Variants in TTC28 observed in about 807,000 individuals in gnomAD.
TTC28 encodes the protein tetratricopeptide repeat protein 28.
Under a neutral mutation model 198.0 loss-of-function variants are expected in TTC28, and 61 were observed. The ratio of observed to expected loss-of-function variants is 0.31; its 90% CI spans 0.25 to 0.38. The LOEUF (loss-of-function observed/expected upper bound fraction) is 0.38. Ranked by LOEUF, TTC28 falls within the 10% of genes least tolerant of loss-of-function variation. The pLI is 1.00. For missense variants in TTC28, 2,678 were observed against 3,164.0 expected, an observed-to-expected ratio of 0.85 and a Z score of 3.69; for synonymous variants, 1,171 against 1,297.8, an observed-to-expected ratio of 0.90 and a Z score of 2.10.
intron 1 of TTC28, among the ~76,000 whole-genome samples, chr22:28,675,569 C>T (rs532857645): frequency 1.1e-4 from 17 of 150,722 alleles, no homozygotes; most frequent in Admixed American, 3.3e-4. Flanking sequence ...CTGGGCAACA[C>T]GGCAAAACTC....
At chr22:28,009,348 C>G (rs533908381) in intron 14 of TTC28, among the ~76,000 whole-genome samples, 1 of 152,320 alleles carries the variant, frequency 6.6e-6, no homozygotes, top group South Asian at 2.1e-4. Flanking sequence ...TAATTATATG[C>G]CCCATGTGAA....
intron 6 of TTC28, among the ~76,000 whole-genome samples, chr22:28,162,672 AGGTAC>A (rs1921348592): frequency 6.6e-6 from 1 of 152,226 alleles, no homozygotes; most frequent in Non-Finnish European, 1.5e-5. Flanking sequence ...GAAAGAGGCC[AGGTAC>A]GGTGGCTTAT....
At chr22:28,322,852 G>GA (rs929971085) in intron 2 of TTC28, among the ~76,000 whole-genome samples, 4 of 152,298 alleles carry the variant, frequency 2.6e-5, no homozygotes, top group African/African-American at 9.6e-5. Flanking sequence ...CTCCAGAGAA[G>GA]AATCTGTTTC....
intron 12 of TTC28, among the ~76,000 whole-genome samples, chr22:28,053,377 G>A (rs934492867): frequency 3.3e-5 from 5 of 152,188 alleles, no homozygotes; most frequent in Non-Finnish European, 7.3e-5. Flanking sequence ...AATAAGAAAA[G>A]TAGTTTCCAT....
intron 13 of TTC28, among the ~76,000 whole-genome samples, chr22:28,022,948 C>T (rs989737249): frequency 3.9e-5 from 6 of 152,212 alleles, no homozygotes; most frequent in Admixed American, 1.3e-4. Flanking sequence ...CAATAAGCTG[C>T]GGGCGCTTCT....
In TTC28 at chr22:28,005,375, A is replaced by G. The variant is rs1937893088; in HGVS notation, c.4219-3822T>C. ...TACAAGGAGAGGGTTGTTCCTTCTG[A>G]CAGGGTGGGCAGTGAGTGCACTGGA... On this transcript the variant is annotated intron_variant, in intron 14 of 22. Transcript: ENST00000397906. The surrounding 1 kb of genome is among the most constrained non-coding windows in gnomAD (Gnocchi z 4.9). Among the ~76,000 whole-genome samples the G allele has an allele frequency of 1.3e-5, 2 of 152,298 alleles. No homozygotes were observed. Among genetic ancestry groups the G allele is most frequent in the South Asian group, 4.1e-4 (2 of 4,828 alleles).
intron 2 of TTC28, among the ~76,000 whole-genome samples, chr22:28,579,334 T>C (rs530796509): frequency 6.7e-6 from 1 of 149,514 alleles, no homozygotes; most frequent in East Asian, 2.0e-4. Flanking sequence ...TATTCATACA[T>C]ATGTATAGCT....
intron 1 of TTC28, among the ~76,000 whole-genome samples, chr22:28,661,114 G>A (rs950691914): frequency 2.6e-5 from 4 of 151,446 alleles, no homozygotes; most frequent in Middle Eastern, 3.2e-3. Context: ...GAGAAACCCC[G>A]TCTCTACTAA....
chr22:28,013,010 C>T (rs566651120), intron 14 of TTC28, among the ~76,000 whole-genome samples: 5 of 143,898 alleles, frequency 3.5e-5, no homozygotes, highest in East Asian at 1.9e-4. Flanking sequence ...CACCCTGTCC[C>T]CAAGCCAGAG....
chr22:28,328,717 G>A (rs889995158), intron 2 of TTC28, among the ~76,000 whole-genome samples: 7 of 150,022 alleles, frequency 4.7e-5, no homozygotes, highest in Admixed American at 4.7e-4. Flanking sequence ...TCGTGCCACT[G>A]CACTCCAGCC....
intron 19 of TTC28, among the ~76,000 whole-genome samples, chr22:27,991,268 C>T (rs1937396426): frequency 6.6e-6 from 1 of 152,210 alleles, no homozygotes; most frequent in South Asian, 2.1e-4. Flanking sequence ...AAGCAACTGG[C>T]TTTTTGGCCT....
intron 5 of TTC28, among the ~76,000 whole-genome samples, chr22:28,294,397 T>G (rs183866951): frequency 6.6e-6 from 1 of 152,286 alleles, no homozygotes; most frequent in East Asian, 1.9e-4. Context: ...TCCTCCTGTT[T>G]AACATCTATA....
chr22:28,082,172 C>G (rs1202022296), intron 12 of TTC28, among the ~76,000 whole-genome samples: 1 of 152,144 alleles, frequency 6.6e-6, no homozygotes, highest in African/African-American at 2.4e-5. Context: ...TTCAAGTTTT[C>G]TACATATAAG....
At chr22:28,425,967 C>G (rs1225461232) in intron 2 of TTC28, among the ~76,000 whole-genome samples, 1 of 152,122 alleles carries the variant, frequency 6.6e-6, no homozygotes, top group Non-Finnish European at 1.5e-5. Context: ...CCCCAGCACT[C>G]TGAGAGGTTG....
intron 2 of TTC28, among the ~76,000 whole-genome samples, chr22:28,425,183 A>T (rs918304961): frequency 6.6e-6 from 1 of 152,234 alleles, no homozygotes; most frequent in Admixed American, 6.5e-5. Flanking sequence ...GTATCAGAAT[A>T]TGAATTAATC....
At chr22:28,288,589 C>T (rs1187753877) in intron 5 of TTC28, among the ~76,000 whole-genome samples, 6 of 151,764 alleles carry the variant, frequency 4.0e-5, no homozygotes, top group Admixed American at 6.6e-5. Context: ...AGGCGGATCA[C>T]GAGGTCAGGA....
intron 7 of TTC28, among the ~76,000 whole-genome samples, chr22:28,106,297 A>G (rs1310955787): frequency 6.6e-6 from 1 of 152,118 alleles, no homozygotes; most frequent in African/African-American, 2.4e-5. Flanking sequence ...TCCTGCAGAC[A>G]CAGGCACCTT....
At chr22:28,240,419 AT>A (rs1159634054) in intron 5 of TTC28, among the ~76,000 whole-genome samples, 8 of 152,222 alleles carry the variant, frequency 5.3e-5, no homozygotes, top group African/African-American at 1.7e-4. Flanking sequence ...CTTTTTAAAA[AT>A]ATAATACAGA....
chr22:28,079,601 C>T (rs1238527135), intron 12 of TTC28, among the ~76,000 whole-genome samples: 1 of 152,118 alleles, frequency 6.6e-6, no homozygotes, highest in African/African-American at 2.4e-5. Flanking sequence ...ATAAGCCAAT[C>T]ACACACAAAA....
Sources: gnomAD v4.1 joint callset for allele counts (sites outside exome capture counted in the v4.1 genomes callset) on GRCh38, gnomAD v4.1.1 for gene constraint, Gnocchi (gnomAD v3.1) non-coding constraint, MANE v1.5 for transcripts, NCBI Gene and HGNC (gene_info 2026-07-23, HGNC 2026-07-21) for gene names.